The following TAOK2 variants were observed in gnomAD, a reference collection of about 807,000 sequenced individuals.
The protein encoded by TAOK2 is TAO kinase 2, also known as serine/threonine-protein kinase TAO2.
In TAOK2, 42 loss-of-function variants were observed where a neutral mutation model predicts 122.5. That is an observed-to-expected ratio of 0.34 (90% CI 0.27 to 0.44). The LOEUF is 0.44. TAOK2 is among the 20% of genes least tolerant of loss of function. The pLI is 1.00. For synonymous variants in TAOK2, 704 were observed against 677.6 expected (o/e 1.04, Z -0.61); for missense variants, 1,264 against 1,644.9 (o/e 0.77, Z 4.01).
At position 29,983,176 on chromosome 16, in the gene TAOK2, C is replaced by T. The variant is rs768147975; in HGVS notation, c.1104C>T (p.Val368=). 4 of 1,614,076 alleles carry T rather than the reference C, an allele frequency of 2.5e-6. No individual in the cohort carries two copies. The highest frequency in any genetic ancestry group is 2.2e-5 in the South Asian group (2 of 91,080). Residue 368 remains valine (V), a synonymous_variant, in exon 12 of 16, where the codon GTC becomes GTT. Transcript: ENST00000308893. The part of the protein sequence containing the change: ...SISASSQSSS[V]NSLADASDNE... ...GCGCCTCCAGCCAGAGCAGCTCCGT[C>T]AACAGCCTAGCAGATGCCTCAGACA... is the stretch of plus-strand genomic sequence containing the variant.
At chr16:29,991,506 C>T, downstream of TAOK2, 2 of 1,480,518 alleles carry the variant, frequency 1.4e-6, no homozygotes, top group African/African-American at 1.4e-5. This position sits in a 1 kb window ranked among gnomAD's most constrained non-coding sequence, Gnocchi z 5.6. Context: ...GCCCGGGCCC[C>T]TGAGCCGCAG....
At position 29,987,123 on chromosome 16, in the gene TAOK2, C is replaced by T. The variant is rs750289878; in HGVS notation, c.2851C>T (p.Leu951Phe). ...SQLPGLLSHG[L>F]LAGLSFAVGS... ...GCTCCCTGGACTCCTGTCCCATGGC[C>T]TCCTGGCCGGCCTCTCCTTTGCAGT... Residue 951 changes from leucine to phenylalanine, a missense_variant, in exon 16 of 16, where the codon CTC becomes TTC. Around this residue, in one of 4 missense-constraint regions of TAOK2, gnomAD observed 824 missense variants for 908.7 expected, o/e 0.91. Transcript: ENST00000308893. 1.3e-5 allele frequency: 21 copies of T among 1,605,898 alleles called. No individual in the cohort carries two copies. Among genetic ancestry groups the T allele is most frequent in the Non-Finnish European group, 1.8e-5 (21 of 1,176,192 alleles).
At chr16:29,984,876 A>G (rs1438727692) in intron 13 of TAOK2, among the ~76,000 whole-genome samples, 1 of 152,132 alleles carries the variant, frequency 6.6e-6, no homozygotes, top group Non-Finnish European at 1.5e-5. Context: ...TGAGAAGTTA[A>G]CTTACTTGAG....
rs745452332 is a variant in TAOK2, at chr16:29,985,593, C to T, written c.1788+15C>T. The T allele has an allele frequency of 1.2e-6, 2 of 1,602,502 alleles. No individual in the cohort carries two copies. The highest frequency in any genetic ancestry group is 2.2e-5 in the South Asian group (2 of 90,120). ...AGCTGAAGGAGGTGAGCTAGGGCTG[C>T]TTGGGGGCGGAGCCGATGGCGAGCC... is the stretch of plus-strand genomic sequence containing the variant. On this transcript the variant is annotated intron_variant, in intron 14 of 15. Coordinates refer to ENST00000308893, the MANE Select transcript of TAOK2 (RefSeq NM_016151.4). This position sits in a 1 kb window ranked among gnomAD's most constrained non-coding sequence, Gnocchi z 6.9.
Position 29,977,780 on chromosome 16 carries a change from C to CT in TAOK2, c.9dup (p.Gly4TrpfsTer14). The CT allele has an allele frequency of 6.2e-7, 1 of 1,614,096 alleles. No individual in the cohort carries two copies. Among genetic ancestry groups the CT allele is most frequent in the Non-Finnish European group, 8.5e-7 (1 of 1,179,974 alleles). ...GGGCCCCCAGGGGCCACCATGCCAG[C>CT]TGGGGGCCGGGCCGGGAGCCTGAAG... On this transcript the variant is annotated frameshift_variant, in exon 2 of 16. Coordinates refer to ENST00000308893, the MANE Select transcript of TAOK2 (RefSeq NM_016151.4). LOFTEE classifies it high-confidence loss of function.
rs755470822 is a variant in TAOK2, at chr16:29,987,496, C to T, written c.3224C>T (p.Pro1075Leu). 5.6e-6 allele frequency: 9 copies of T among 1,598,516 alleles called. No homozygotes were observed. Among genetic ancestry groups the T allele is most frequent in the East Asian group, 4.5e-5 (2 of 44,642 alleles). Reference protein sequence around the residue: ...AGGRWVRQQGPRVRRGISRLW... With the variant: ...AGGRWVRQQGLRVRRGISRLW... ...GGCAGATGGGTGCGGCAGCAGGGCCCCCGGGTGCGCCGGGGCATATCTCGA... is the reference window on the plus strand; with the variant it reads ...GGCAGATGGGTGCGGCAGCAGGGCCTCCGGGTGCGCCGGGGCATATCTCGA... Residue 1075 changes from proline (P) to leucine (L), a missense_variant, in exon 16 of 16, where the codon CCC (proline) becomes CTC (leucine). Coordinates refer to ENST00000308893, the MANE Select transcript of TAOK2 (RefSeq NM_016151.4).
chr16:29,974,996 G>A (rs2150875937), intron 1 of TAOK2, among the ~76,000 whole-genome samples: 1 of 152,174 alleles, frequency 6.6e-6, no homozygotes, highest in Admixed American at 6.5e-5. Context: ...CGTTCTCCTG[G>A]CTATTCTGTG....
rs751276891 is a variant in TAOK2 at position 29,987,964 on chromosome 16, T to G, written c.3692T>G (p.Leu1231Arg). ...RRSRTRQSRA[L>R]PPWR is the part of the protein sequence containing the mutation. ...TCACGCACCCGCCAGTCCCGGGCCC[T>G]GCCCCCCTGGAGGTAGCTGACTCCA... The change falls in exon 16 of 16, where the codon CTG becomes CGG. Residue 1231 changes from leucine to arginine, a missense_variant. Transcript: ENST00000308893. 1.3e-6 allele frequency: 2 copies of G among 1,539,434 alleles called. No homozygotes were observed. Among genetic ancestry groups the G allele is most frequent in the Admixed American group, 3.7e-5 (2 of 54,230 alleles).
At chr16:29,990,043 A>C, downstream of TAOK2, 1 of 478,232 alleles carries the variant, frequency 2.1e-6, no homozygotes, top group South Asian at 2.7e-5. Flanking sequence ...ATTCCCAAGA[A>C]CCACCAAGGA....
At position 29,985,652 on chromosome 16, in the gene TAOK2, G is replaced by A. The variant is rs561897852; in HGVS notation, c.1789-6G>A. The A allele has an allele frequency of 2.1e-5, 34 of 1,610,844 alleles. No individual in the cohort carries two copies. The African/African-American group carries it at 2.4e-4, about 11-fold the overall frequency. ...CCTGACCCTGCTTCCCTCTGCACTC[G>A]CCCAGGAGCTCCAGGAGAACCCCAG... On this transcript the variant is annotated splice_region_variant and splice_polypyrimidine_tract_variant and intron_variant, in intron 14 of 15. Transcript: ENST00000308893. The surrounding 1 kb of genome is among the most constrained non-coding windows in gnomAD (Gnocchi z 6.9).
rs758044378 is a variant in TAOK2, at chr16:29,978,178, C to T, written c.204+18C>T. The T allele has an allele frequency of 2.5e-6, 4 of 1,614,092 alleles. No homozygotes were observed. Among genetic ancestry groups the T allele is most frequent in the Non-Finnish European group, 3.4e-6 (4 of 1,179,992 alleles). The stretch of plus-strand genomic sequence containing the variant: ...CCAATGAGGTGGGCCAGGTGCAATA[C>T]AGCCAGGTTGGGGACAGGGGACTCC... On this transcript the variant is annotated intron_variant, in intron 3 of 15. Coordinates refer to ENST00000308893, the MANE Select transcript of TAOK2 (RefSeq NM_016151.4).
chr16:29,989,473 T>C (rs2069913106), downstream of TAOK2: 1 of 1,520,356 alleles, frequency 6.6e-7, no homozygotes, highest in Non-Finnish European at 8.8e-7. Flanking sequence ...TGCTTCTGTC[T>C]CCTCTCCTCT....
chr16:29,991,287 C>G, downstream of TAOK2: 1 of 1,611,890 alleles, frequency 6.2e-7, no homozygotes, highest in Non-Finnish European at 8.5e-7. This position sits in a 1 kb window ranked among gnomAD's most constrained non-coding sequence, Gnocchi z 5.6. Flanking sequence ...GAGCCATGGC[C>G]CTCCTCCACC....
In TAOK2 at chr16:29,985,814, A is replaced by C; in HGVS notation, c.1945A>C (p.Lys649Gln). ...FELQCRQYKRKMLLARHSLDQ... is the reference protein window; with the variant it reads ...FELQCRQYKRQMLLARHSLDQ... ...GCTGCAGTGTCGCCAGTACAAGCGC[A>C]AGATGTTGCTGGCTCGGCACAGCCT... Residue 649 changes from lysine to glutamine, a missense_variant, in exon 15 of 16, where the codon AAG becomes CAG. Physicochemically the swap from Lys to Gln is moderately conservative, Grantham distance 53. This residue lies in a region of TAOK2 where 824 missense variants were observed against 908.7 expected (regional missense o/e 0.91). Coordinates refer to ENST00000308893, the MANE Select transcript of TAOK2 (RefSeq NM_016151.4). This position sits in a 1 kb window ranked among gnomAD's most constrained non-coding sequence, Gnocchi z 6.9. 6.2e-7 allele frequency: 1 copy of C among 1,611,922 alleles called. No individual in the cohort carries two copies. The highest frequency in any genetic ancestry group is 1.1e-5 in the South Asian group (1 of 90,974).
Position 29,983,134 on chromosome 16 carries a change from G to A in TAOK2, c.1062G>A (p.Val354=). Residue 354 remains valine, a synonymous_variant, in exon 12 of 16, where the codon GTG becomes GTA. Coordinates refer to ENST00000308893, the MANE Select transcript of TAOK2 (RefSeq NM_016151.4). ...TLTSLESSHS[V]PSMSISASSQ... Reference sequence around the variant, plus strand: ...CCAGCCTCGAGAGTAGCCACTCAGTGCCCAGCATGTCCATCAGCGCCTCCA... The same window carrying A: ...CCAGCCTCGAGAGTAGCCACTCAGTACCCAGCATGTCCATCAGCGCCTCCA... 6.2e-7 allele frequency: 1 copy of A among 1,614,070 alleles called. No individual in the cohort carries two copies. Among genetic ancestry groups the A allele is most frequent in the African/African-American group, 1.3e-5 (1 of 74,990 alleles).
At chr16:29,989,596 A>G (rs751067136), downstream of TAOK2, 6 of 1,613,846 alleles carry the variant, frequency 3.7e-6, no homozygotes, top group Non-Finnish European at 5.1e-6. Context: ...TGCATAGTCT[A>G]AGGAGCTGCA....
chr16:29,989,114 T>A (rs2069904136), downstream of TAOK2: 3 of 985,390 alleles, frequency 3.0e-6, no homozygotes, highest in Non-Finnish European at 3.6e-6. Flanking sequence ...GTTGCTTTCT[T>A]CATGGGTGTT....
chr16:29,986,047 T>C lies in TAOK2; in HGVS notation c.1992+186T>C, dbSNP rs554056865. On this transcript the variant is annotated intron_variant, in intron 15 of 15. Transcript: ENST00000308893. This position sits in a 1 kb window ranked among gnomAD's most constrained non-coding sequence, Gnocchi z 4.2. ...TGCCAGAATTTCCTTAGGCCTCTTT[T>C]CCCAGGCCAGGGAGGAGCTTGCCTC... is the stretch of plus-strand genomic sequence containing the variant. Among the ~76,000 whole-genome samples, 60 of 152,266 alleles carry C rather than the reference T, an allele frequency of 3.9e-4. No homozygotes were observed. The highest frequency in any genetic ancestry group is 1.4e-3 in the African/African-American group (59 of 41,542).
At chr16:29,991,081 G>T (rs759329042), downstream of TAOK2, 14 of 1,585,070 alleles carry the variant, frequency 8.8e-6, no homozygotes, top group Non-Finnish European at 1.7e-6. The surrounding 1 kb of genome is among the most constrained non-coding windows in gnomAD (Gnocchi z 5.6). Context: ...CAGACAGGAC[G>T]CTCCGAGCGA....
Sources: gnomAD v4.1 joint callset for allele counts (sites outside exome capture counted in the v4.1 genomes callset) on GRCh38, gnomAD v4.1.1 for gene constraint, gnomAD v4.1.1 regional missense constraint, Gnocchi (gnomAD v3.1) non-coding constraint, MANE v1.5 for transcripts, NCBI Gene and HGNC (gene_info 2026-07-23, HGNC 2026-07-21) for gene names.